The following EXOC3L2 variants were observed in gnomAD, a reference collection of about 807,000 sequenced individuals.
EXOC3L2 encodes the protein exocyst complex component 3 like 2, also known as exocyst complex component 3-like protein 2.
A neutral mutation model predicts 44.4 loss-of-function variants in EXOC3L2; 17 were observed. The ratio of observed to expected loss-of-function variants is 0.38; its 90% CI spans 0.26 to 0.57. The LOEUF (loss-of-function observed/expected upper bound fraction) is 0.57. Among genes scored for constraint, EXOC3L2 ranks in the 20% least tolerant of loss-of-function variants. The pLI, the probability that EXOC3L2 is intolerant of heterozygous loss-of-function variation, is 0.65. For missense variants in EXOC3L2, 541 were observed against 588.4 expected (o/e 0.92, Z 0.83); for synonymous variants, 256 against 253.7 (o/e 1.01, Z -0.09).
chr19:45,216,261 T>G, intron 10 of EXOC3L2, 67 bp from the exon 11 acceptor site: 1 of 1,574,058 alleles, frequency 6.4e-7, no homozygotes, highest in African/African-American at 1.3e-5. Flanking sequence ...CTGCCCCTCC[T>G]GGCTTGTTAT....
chr19:45,220,302 A>ATT (rs545973235), intron 8 of EXOC3L2, among the ~76,000 whole-genome samples: 13 of 150,390 alleles, frequency 8.6e-5, no homozygotes, highest in African/African-American at 3.2e-4. Flanking sequence ...CCTCTCTATA[A>ATT]TTTTTTTTTG....
In EXOC3L2 at chr19:45,216,127, G is replaced by A. The variant is rs775521544; in HGVS notation, c.2066C>T (p.Thr689Met). The change falls in exon 11 of 12, where the codon ACG becomes ATG. Residue 689 changes from threonine (T) to methionine (M), a missense_variant. By Grantham distance (81) the Thr-to-Met change is moderately conservative. Coordinates refer to ENST00000413988, the MANE Select transcript of EXOC3L2 (RefSeq NM_001382422.1). ...TCCCACCTCCACCTGGATGCTGGGCGTGTCTTCCAGCTGCATGACTTCAGC... is the reference window on the plus strand; with the variant it reads ...TCCCACCTCCACCTGGATGCTGGGCATGTCTTCCAGCTGCATGACTTCAGC... ...HLAEVMQLED[T>M]PSIQVEVGVL... 6.2e-6 allele frequency: 10 copies of A among 1,613,958 alleles called. No homozygotes were observed. Among genetic ancestry groups the A allele is most frequent in the Non-Finnish European group, 7.6e-6 (9 of 1,179,976 alleles).
At chr19:45,241,393 G>C (rs1459513986) in intron 1 of EXOC3L2, among the ~76,000 whole-genome samples, 1 of 151,106 alleles carries the variant, frequency 6.6e-6, no homozygotes, top group Non-Finnish European at 1.5e-5. Context: ...CAGGAGAATG[G>C]CATGAACGCG....
rs1969919145 is a variant in EXOC3L2 at position 45,223,378 on chromosome 19, TGTCACCCAGG to T, written c.1719+1390_1719+1399del. On this transcript the variant is annotated intron_variant, in intron 8 of 11. Transcript: ENST00000413988. ...GTTTTTTGAGAGGGAAGTCTCGCTC[TGTCACCCAGG>T]CTGCAGTGCAATGGTGCGATCTTGG... Among the ~76,000 whole-genome samples, 10 of 152,178 alleles carry T rather than the reference TGTCACCCAGG, an allele frequency of 6.6e-5. No individual in the cohort carries two copies. In the South Asian group the frequency reaches 2.1e-3, roughly 32 times the overall value.
At chr19:45,216,801 T>G (rs1969840021) in intron 10 of EXOC3L2, 1 of 152,096 alleles carries the variant, frequency 6.6e-6, no homozygotes, top group Non-Finnish European at 1.5e-5. Context: ...CTTTCTTACA[T>G]CTGCATGTGA....
At chr19:45,232,593 C>T (rs1970042867) in intron 3 of EXOC3L2, among the ~76,000 whole-genome samples, 1 of 152,154 alleles carries the variant, frequency 6.6e-6, no homozygotes, top group Non-Finnish European at 1.5e-5. Context: ...ATGTGGCTAA[C>T]TCCCTTTTCT....
intron 2 of EXOC3L2, among the ~76,000 whole-genome samples, chr19:45,235,999 T>G (rs1599768081): frequency 6.9e-6 from 1 of 145,170 alleles, no homozygotes. Context: ...GGGCCGGAGG[T>G]GAGGATGGGG....
intron 8 of EXOC3L2, among the ~76,000 whole-genome samples, chr19:45,223,037 G>A (rs1969914992): frequency 6.6e-6 from 1 of 152,146 alleles, no homozygotes; most frequent in South Asian, 2.1e-4. Flanking sequence ...AGGATCGCTT[G>A]AGCCCAGGAG....
chr19:45,225,620 CTTTTTTT>C (rs555190100), intron 7 of EXOC3L2, among the ~76,000 whole-genome samples: 1 of 125,320 alleles, frequency 8.0e-6, no homozygotes, highest in African/African-American at 2.9e-5. Flanking sequence ...TTACTCTTCT[CTTTTTTT>C]TTTTTTTTTT....
At chr19:45,232,982 G>A (rs1449863817) in intron 3 of EXOC3L2, among the ~76,000 whole-genome samples, 1 of 151,990 alleles carries the variant, frequency 6.6e-6, no homozygotes, top group Non-Finnish European at 1.5e-5. Context: ...TTGGGAGTTC[G>A]AGGCAAGTGG....
intron 1 of EXOC3L2, among the ~76,000 whole-genome samples, chr19:45,241,037 C>T (rs1970127127): frequency 1.3e-5 from 2 of 152,148 alleles, no homozygotes; most frequent in African/African-American, 2.4e-5. Flanking sequence ...CTGCCCATTC[C>T]ATCTCCTAAG....
In EXOC3L2 at chr19:45,212,944, C is replaced by T; in HGVS notation, c.*125G>A. On this transcript the variant is annotated 3_prime_UTR_variant, in exon 12 of 12. Transcript: ENST00000413988. ...GGGAGTTTGGGGTTGGGTGAAAAGACATCTAAGGGTCTTTCTATCCCAGGG... is the reference window on the plus strand; with the variant it reads ...GGGAGTTTGGGGTTGGGTGAAAAGATATCTAAGGGTCTTTCTATCCCAGGG... The T allele has an allele frequency of 1.8e-6, 2 of 1,141,622 alleles. No individual in the cohort carries two copies. Among genetic ancestry groups the T allele is most frequent in the Non-Finnish European group, 2.3e-6 (2 of 855,516 alleles). The allele number at this position is 1,141,622 out of a possible 1,614,324, so 70.7% of individuals were successfully genotyped here. A position where few individuals can be genotyped will look rare whatever the true frequency, so the allele number is the denominator to read the frequency against.
intron 11 of EXOC3L2, 78 bp from the exon 12 acceptor site, chr19:45,213,435 T>C (rs1257493073): frequency 4.9e-5 from 76 of 1,551,330 alleles, no homozygotes; most frequent in Non-Finnish European, 6.2e-5. Flanking sequence ...GGACCCCACC[T>C]GACCCCCTCA....
At chr19:45,230,749 A>G (rs1179933151) in intron 4 of EXOC3L2, among the ~76,000 whole-genome samples, 2 of 152,144 alleles carry the variant, frequency 1.3e-5, no homozygotes, top group African/African-American at 4.8e-5. Context: ...CAAGAACTCC[A>G]AAGGCTGGGC....
chr19:45,212,651 G>A lies in EXOC3L2; in HGVS notation c.*418C>T, dbSNP rs1432575547. The A allele has an allele frequency of 6.7e-6, 1 of 149,656 alleles. No individual in the cohort carries two copies. The highest frequency in any genetic ancestry group is 2.7e-5 in the African/African-American group (1 of 37,426). The allele number at this position is 149,656 out of a possible 1,614,324, so 9.3% of individuals were successfully genotyped here. The stretch of plus-strand genomic sequence containing the variant: ...AGGGTCTTGCTTTGTTGACCAGGCT[G>A]GAGTGCAGTGGCACAGTCATAGCTC... On this transcript the variant is annotated 3_prime_UTR_variant, in exon 12 of 12. Coordinates refer to ENST00000413988, the MANE Select transcript of EXOC3L2 (RefSeq NM_001382422.1).
rs140539542 is a variant in EXOC3L2, at chr19:45,241,409, C to T, written c.-16-2348G>A. ...AGGAGAATGGCATGAACGCGGAAGG[C>T]GGAGATTGCAGTGAGCTGAGATCGC... On this transcript the variant is annotated intron_variant, in intron 1 of 11. Transcript: ENST00000413988. 3.5e-3 allele frequency among the ~76,000 whole-genome samples: 510 copies of T among 144,536 alleles called. 6 individuals carry two copies. Among genetic ancestry groups the T allele is most frequent in the African/African-American group, 0.012 (474 of 38,430 alleles). The allele number at this position is 144,536 out of a possible 152,430, so 94.8% of individuals were successfully genotyped here.
In EXOC3L2 at chr19:45,228,215, A is replaced by G. The variant is rs781436900; in HGVS notation, c.1321T>C (p.Trp441Arg). The G allele has an allele frequency of 6.2e-7, 1 of 1,614,028 alleles. No homozygotes were observed. Among genetic ancestry groups the G allele is most frequent in the Admixed American group, 1.7e-5 (1 of 60,004 alleles). The part of the protein sequence containing the change: ...LRVLQEDEEH[W>R]GSLEDQPSSL... ...CTGGGCTGGTCCTCCAGGCTCCCCCAGTGCTCTTCGTCCTCCTGCAGCACA... is the reference window on the plus strand; with the variant it reads ...CTGGGCTGGTCCTCCAGGCTCCCCCGGTGCTCTTCGTCCTCCTGCAGCACA... The change falls in exon 5 of 12, where the codon TGG becomes CGG. Residue 441 changes from tryptophan to arginine, a missense_variant. Physicochemically the swap from Trp to Arg is moderately radical, Grantham distance 101. Coordinates refer to ENST00000413988, the MANE Select transcript of EXOC3L2 (RefSeq NM_001382422.1).
chr19:45,241,044 T>A (rs1357893911), intron 1 of EXOC3L2, among the ~76,000 whole-genome samples: 36 of 152,142 alleles, frequency 2.4e-4, no homozygotes, highest in Admixed American at 2.4e-3. Context: ...TTCCATCTCC[T>A]AAGCCTCTCT....
intron 7 of EXOC3L2, 36 bp downstream of exon 7, chr19:45,227,626 T>G: frequency 6.4e-7 from 1 of 1,566,404 alleles, no homozygotes; most frequent in Non-Finnish European, 8.7e-7. Flanking sequence ...CCACCTTGGA[T>G]TGGTCCTCCC....
Sources: allele counts gnomAD v4.1 joint callset (sites outside exome capture counted in the v4.1 genomes callset), GRCh38; gene constraint gnomAD v4.1.1; transcripts MANE v1.5; gene names NCBI Gene and HGNC (gene_info 2026-07-23, HGNC 2026-07-21).